COX7A2: variants seen among roughly 807,000 people sequenced by gnomAD.
COX7A2 encodes the protein cytochrome c oxidase subunit 7A2.
COX7A2 carries 11 observed loss-of-function variants against 11.6 expected under a neutral mutation model. The observed-to-expected ratio is 0.95, with a 90% CI of 0.60 to 1.57. COX7A2 has a LOEUF of 1.57. Among genes scored for constraint, COX7A2 ranks in the 40% most tolerant of loss-of-function variants. The probability of loss-of-function intolerance (pLI) is 0.00; values close to 1 mark genes in which losing one functional copy is unlikely to be tolerated. For missense variants in COX7A2, 106 were observed against 100.9 expected (o/e 1.05, Z -0.22); for synonymous variants, 30 against 38.2 (o/e 0.78, Z 0.79).
chr6:75,247,773 G>C (rs1771711834), upstream of COX7A2, among the ~76,000 whole-genome samples: 1 of 152,004 alleles, frequency 6.6e-6, no homozygotes, highest in Admixed American at 6.6e-5. Flanking sequence ...CATCAGATGG[G>C]TTTTATTTAA....
chr6:75,242,322 A>G (rs1345052363), intron 1 of COX7A2, among the ~76,000 whole-genome samples: 2 of 152,082 alleles, frequency 1.3e-5, no homozygotes, highest in African/African-American at 2.4e-5. Flanking sequence ...CCTAGCCAAC[A>G]TGGCGAAACC....
At chr6:75,243,233 T>C (rs1349341745) in intron 1 of COX7A2, among the ~76,000 whole-genome samples, 2 of 152,192 alleles carry the variant, frequency 1.3e-5, no homozygotes, top group African/African-American at 2.4e-5. Flanking sequence ...ACTTCAGCCA[T>C]GACTATTCCT....
upstream of COX7A2, among the ~76,000 whole-genome samples, chr6:75,247,754 A>C (rs1238918971): frequency 6.6e-6 from 1 of 152,078 alleles, no homozygotes; most frequent in Non-Finnish European, 1.5e-5. Flanking sequence ...CCTACAAACC[A>C]CAAATTCTCA....
rs769314754 is a variant in COX7A2, at chr6:75,240,374, T to G, written c.120A>C (p.Glu40Asp). The change falls in exon 3 of 4, where the codon GAA becomes GAC. Residue 40 changes from glutamate (E) to aspartate (D), a missense_variant. Transcript: ENST00000684430. ...EKQKLFQEDD[E>D]IPLYLKGGVA... ...CCCCACCCTTTAGATACAGTGGAAT[T>G]TCATCATCCTCCTAGATTTAAAAAA... The G allele has an allele frequency of 6.3e-7, 1 of 1,575,390 alleles. No individual in the cohort carries two copies. The highest frequency in any genetic ancestry group is 8.6e-7 in the Non-Finnish European group (1 of 1,166,652).
chr6:75,241,003 G>T (rs1771485472), intron 2 of COX7A2, 173 bp downstream of exon 2: 1 of 719,010 alleles, frequency 1.4e-6, no homozygotes, highest in Admixed American at 3.1e-5. Context: ...TGCTCCACCA[G>T]GTCTTTCCCC....
upstream of COX7A2, among the ~76,000 whole-genome samples, chr6:75,244,413 G>A (rs565352032): frequency 4.5e-4 from 69 of 152,288 alleles, no homozygotes; most frequent in South Asian, 8.3e-3. Flanking sequence ...GCTCGCTTCT[G>A]AGGAAACGTT....
upstream of COX7A2, among the ~76,000 whole-genome samples, chr6:75,246,898 T>G (rs240426): frequency 2.0e-5 from 3 of 152,186 alleles, no homozygotes; most frequent in Admixed American, 6.5e-5. Context: ...CATTTTAAAA[T>G]TCATCCTCTG....
At chr6:75,245,916 C>G (rs1049945500), upstream of COX7A2, among the ~76,000 whole-genome samples, 1 of 152,186 alleles carries the variant, frequency 6.6e-6, no homozygotes, top group African/African-American at 2.4e-5. Flanking sequence ...TAGTTTGAAG[C>G]ATGGTCTTAA....
At chr6:75,245,318 T>C (rs1027948956), upstream of COX7A2, among the ~76,000 whole-genome samples, 8 of 152,076 alleles carry the variant, frequency 5.3e-5, no homozygotes, top group Admixed American at 2.6e-4. Context: ...CGTGAAACCC[T>C]GTCTCTACTA....
At chr6:75,247,297 C>G (rs1771700482), upstream of COX7A2, among the ~76,000 whole-genome samples, 1 of 151,938 alleles carries the variant, frequency 6.6e-6, no homozygotes, top group Non-Finnish European at 1.5e-5. Context: ...GTAACAAAAA[C>G]AGAGGGAAGC....
At chr6:75,241,023 C>A (rs571570309) in intron 2 of COX7A2, 153 bp downstream of exon 2, 20 of 915,878 alleles carry the variant, frequency 2.2e-5, no homozygotes, top group South Asian at 9.7e-5. Context: ...CAAGAGACAA[C>A]CACTATTAGC....
At chr6:75,237,720 T>C, downstream of COX7A2, 1 of 408,976 alleles carries the variant, frequency 2.4e-6, no homozygotes, top group Non-Finnish European at 4.4e-6. Flanking sequence ...CTTTGATCCT[T>C]ACCTAAGATT....
In COX7A2 at chr6:75,243,782, A is replaced by C; in HGVS notation, c.-48T>G. The C allele has an allele frequency of 6.2e-7, 1 of 1,614,122 alleles. No homozygotes were observed. The highest frequency in any genetic ancestry group is 8.5e-7 in the Non-Finnish European group (1 of 1,179,982). On this transcript the variant is annotated 5_prime_UTR_variant, in exon 1 of 4. Coordinates refer to ENST00000684430, the MANE Select transcript of COX7A2 (RefSeq NM_001366293.2). ...CCGCCACAACTGAACACCACCAACG[A>C]AAATGGCCACGCCGGAACCGGAACT...
Position 75,237,879 on chromosome 6 carries a change from C to A in COX7A2, c.*51G>T. On this transcript the variant is annotated 3_prime_UTR_variant, in exon 4 of 4. Transcript: ENST00000684430. ...CTCGGTTATTTATCAGATTACTGGTCCATAGAGAGCTGAATGAAACTGAAC... is the reference window on the plus strand; with the variant it reads ...CTCGGTTATTTATCAGATTACTGGTACATAGAGAGCTGAATGAAACTGAAC... The A allele has an allele frequency of 7.2e-7, 1 of 1,387,466 alleles. No homozygotes were observed. The highest frequency in any genetic ancestry group is 1.7e-5 in the Admixed American group (1 of 58,286). The allele number at this position is 1,387,466 out of a possible 1,614,324, so 85.9% of individuals were successfully genotyped here.
At chr6:75,242,597 G>A (rs1425251889) in intron 1 of COX7A2, among the ~76,000 whole-genome samples, 2 of 22,018 alleles carry the variant, frequency 9.1e-5, no homozygotes, top group African/African-American at 3.2e-4. Context: ...TGAGGCGGGC[G>A]GATCACTTGA....
upstream of COX7A2, among the ~76,000 whole-genome samples, chr6:75,246,962 C>A (rs1443656065): frequency 6.6e-6 from 1 of 152,106 alleles, no homozygotes; most frequent in Non-Finnish European, 1.5e-5. Flanking sequence ...GTTTGGGGTT[C>A]TTTTATCCTT....
At chr6:75,247,469 A>G (rs532381740), upstream of COX7A2, among the ~76,000 whole-genome samples, 17 of 152,342 alleles carry the variant, frequency 1.1e-4, no homozygotes, top group African/African-American at 3.4e-4. Context: ...ACATTTCAAT[A>G]TAATTCCATA....
chr6:75,250,156 G>C (rs542413613), exon 1 of COX7A2: 10 of 152,322 alleles, frequency 6.6e-5, no homozygotes, highest in Non-Finnish European at 1.3e-4. Context: ...ACCCAGGCTT[G>C]TGTGGAATGA....
At chr6:75,240,976 A>AT (rs1771484902) in intron 2 of COX7A2, 200 bp downstream of exon 2, 4 of 488,676 alleles carry the variant, frequency 8.2e-6, no homozygotes, top group Non-Finnish European at 1.3e-5. Flanking sequence ...CAAACTACTT[A>AT]TAAAGGTAAA....
Sources: gnomAD v4.1 joint callset for allele counts (sites outside exome capture counted in the v4.1 genomes callset) on GRCh38, gnomAD v4.1.1 for gene constraint, MANE v1.5 for transcripts, NCBI Gene and HGNC (gene_info 2026-07-23, HGNC 2026-07-21) for gene names.